FAM167A: variants seen among roughly 807,000 people sequenced by gnomAD.
The protein encoded by FAM167A is family with sequence similarity 167 member A, also known as protein FAM167A.
FAM167A carries 23 observed loss-of-function variants against 14.9 expected under a neutral mutation model. The ratio of observed to expected loss-of-function variants is 1.55; its 90% CI spans 1.11 to 2.19. The LOEUF (loss-of-function observed/expected upper bound fraction) is 2.19. Ranked by LOEUF, FAM167A falls within the 30% of genes most tolerant of loss-of-function variation. FAM167A has a pLI of 0.00. For synonymous variants in FAM167A, 174 were observed against 117.7 expected (o/e 1.48, Z -3.10); for missense variants, 401 against 281.5 (o/e 1.42, Z -3.04).
chr8:11,467,099 C>A (rs1381914232), upstream of FAM167A, among the ~76,000 whole-genome samples: 2 of 152,216 alleles, frequency 1.3e-5, no homozygotes, highest in Non-Finnish European at 2.9e-5. Context: ...GCAGGGGGAC[C>A]CCACGCCCAG....
intron 1 of FAM167A, among the ~76,000 whole-genome samples, chr8:11,446,217 G>C (rs68063127): frequency 0.15 from 23,293 of 152,144 alleles, 2,118 homozygotes; most frequent in Non-Finnish European, 0.21. Context: ...CTTAAGAAAG[G>C]AGAGCAGAAC....
chr8:11,428,338 G>C (rs1159526003), intron 2 of FAM167A, among the ~76,000 whole-genome samples: 1 of 152,264 alleles, frequency 6.6e-6, no homozygotes, highest in Non-Finnish European at 1.5e-5. Flanking sequence ...AGACCCATCA[G>C]AGGCAGCTAG....
chr8:11,454,660 A>T (rs1255578316), intron 1 of FAM167A, among the ~76,000 whole-genome samples: 1 of 152,256 alleles, frequency 6.6e-6, no homozygotes, highest in Non-Finnish European at 1.5e-5. Flanking sequence ...CTGAAAAGGC[A>T]AATCCCTTTG....
chr8:11,438,821 C>T (rs1371281392), intron 2 of FAM167A, among the ~76,000 whole-genome samples: 10 of 152,224 alleles, frequency 6.6e-5, no homozygotes, highest in Non-Finnish European at 1.5e-4. Flanking sequence ...AGAACAGAGG[C>T]TGGGACGAGG....
At chr8:11,447,571 T>C (rs1010557896) in intron 1 of FAM167A, among the ~76,000 whole-genome samples, 3 of 152,214 alleles carry the variant, frequency 2.0e-5, no homozygotes, top group Admixed American at 6.5e-5. Flanking sequence ...AGCCCCAAAG[T>C]AGCCCCCAGA....
intron 2 of FAM167A, among the ~76,000 whole-genome samples, chr8:11,432,323 T>C (rs999846072): frequency 1.3e-5 from 2 of 152,178 alleles, no homozygotes; most frequent in Non-Finnish European, 2.9e-5. Flanking sequence ...AATCTATCCA[T>C]CTGACAAAGG....
intron 2 of FAM167A, among the ~76,000 whole-genome samples, chr8:11,426,512 A>C (rs1449754442): frequency 6.6e-6 from 1 of 152,214 alleles, no homozygotes; most frequent in African/African-American, 2.4e-5. Flanking sequence ...TCCCAAACCC[A>C]CTGTAAACCA....
At chr8:11,469,902 A>AAATT (rs1290022454), upstream of FAM167A, among the ~76,000 whole-genome samples, 3 of 143,962 alleles carry the variant, frequency 2.1e-5, no homozygotes, top group African/African-American at 8.4e-5. Context: ...ATAAATAAAT[A>AAATT]AATAAATAAA....
chr8:11,459,726 T>C (rs980957866), intron 1 of FAM167A, among the ~76,000 whole-genome samples: 17 of 152,232 alleles, frequency 1.1e-4, no homozygotes, highest in Admixed American at 4.6e-4. Context: ...TTTCTTTTCT[T>C]TTTTTGAGAC....
At chr8:11,441,486 C>G (rs1490680416) in intron 2 of FAM167A, among the ~76,000 whole-genome samples, 1 of 152,232 alleles carries the variant, frequency 6.6e-6, no homozygotes, top group African/African-American at 2.4e-5. Flanking sequence ...GCAGTCAATG[C>G]TCTGAGAGAT....
rs1267722981 is a variant in FAM167A at position 11,444,098 on chromosome 8, A to AGGG, written c.311_313dup (p.Pro104dup). ...AAAGCCTTCCAGCTTGCCAGTGGAC[A>AGGG]GGGGTCTGGCACCTTGGCTGGCACT... On this transcript the variant is annotated inframe_insertion, in exon 2 of 3. Coordinates refer to ENST00000284486, the MANE Select transcript of FAM167A (RefSeq NM_053279.3). The AGGG allele has an allele frequency of 6.2e-7, 1 of 1,613,432 alleles. No individual in the cohort carries two copies. Among genetic ancestry groups the AGGG allele is most frequent in the Non-Finnish European group, 8.5e-7 (1 of 1,180,024 alleles).
Position 11,444,318 on chromosome 8 carries a change from C to A in FAM167A, c.94G>T (p.Ala32Ser), listed in dbSNP as rs370343498. ...PPDDHLRSLK[A>S]LTEKLRLETR... ...TCCAGCCTCAGTTTCTCGGTGAGGG[C>A]CTTCAGGCTCCGGAGGTGGTCATCG... Residue 32 changes from alanine (A) to serine (S), a missense_variant, in exon 2 of 3, where the codon GCC becomes TCC. Transcript: ENST00000284486. 129 of 1,612,226 alleles carry A rather than the reference C, an allele frequency of 8.0e-5. No individual in the cohort carries two copies. Among genetic ancestry groups the A allele is most frequent in the African/African-American group, 8.0e-5 (6 of 74,908 alleles).
At chr8:11,471,559 T>C (rs1356904881), upstream of FAM167A, among the ~76,000 whole-genome samples, 1 of 152,210 alleles carries the variant, frequency 6.6e-6, no homozygotes, top group Non-Finnish European at 1.5e-5. Flanking sequence ...TGGTGATTAG[T>C]ATGTACCATG....
At chr8:11,435,716 C>T (rs1320317178) in intron 2 of FAM167A, among the ~76,000 whole-genome samples, 2 of 152,222 alleles carry the variant, frequency 1.3e-5, no homozygotes, top group Non-Finnish European at 2.9e-5. Context: ...GGTGACGCCA[C>T]CCTGGGCAAG....
chr8:11,443,543 C>T, intron 2 of FAM167A: 3 of 169,422 alleles, frequency 1.8e-5, no homozygotes, highest in Non-Finnish European at 3.8e-5. Flanking sequence ...ACAGCAGCGC[C>T]CTGCACAGCC....
intron 2 of FAM167A, among the ~76,000 whole-genome samples, chr8:11,429,632 T>G (rs1805436670): frequency 6.6e-6 from 1 of 152,238 alleles, no homozygotes; most frequent in Non-Finnish European, 1.5e-5. Flanking sequence ...CCAGCCAGCC[T>G]ATGGCATCTG....
intron 1 of FAM167A, among the ~76,000 whole-genome samples, chr8:11,464,286 G>A (rs1299687544): frequency 6.6e-6 from 1 of 152,132 alleles, no homozygotes; most frequent in Non-Finnish European, 1.5e-5. Flanking sequence ...ACAGGGCAAC[G>A]GTCCTAACCA....
chr8:11,456,359 T>TATCA (rs2117132049), intron 1 of FAM167A, among the ~76,000 whole-genome samples: 1 of 144,692 alleles, frequency 6.9e-6, no homozygotes, highest in Admixed American at 6.8e-5. Flanking sequence ...CCCTGCTGGG[T>TATCA]GTGTGTGTGG....
intron 2 of FAM167A, among the ~76,000 whole-genome samples, chr8:11,432,557 G>C (rs1405525024): frequency 6.6e-6 from 1 of 152,180 alleles, no homozygotes; most frequent in African/African-American, 2.4e-5. Context: ...TCATTAAAAA[G>C]TCAGGAAATA....
Sources: allele counts gnomAD v4.1 joint callset (sites outside exome capture counted in the v4.1 genomes callset), GRCh38; gene constraint gnomAD v4.1.1; transcripts MANE v1.5; gene names NCBI Gene and HGNC (gene_info 2026-07-23, HGNC 2026-07-21).